The following PRR11 variants were observed in gnomAD, a reference collection of about 807,000 sequenced individuals.
The protein encoded by PRR11 is proline-rich protein 11.
PRR11 carries 30 observed loss-of-function variants against 45.6 expected under a neutral mutation model. The ratio of observed to expected loss-of-function variants is 0.66; its 90% CI spans 0.49 to 0.89. PRR11 has a LOEUF of 0.89. Ranked by LOEUF, PRR11 falls within the 40% of genes least tolerant of loss-of-function variation. PRR11 has a pLI of 0.00. For synonymous variants in PRR11, 128 were observed against 153.5 expected, an observed-to-expected ratio of 0.83 and a Z score of 1.23; for missense variants, 373 against 424.8, an observed-to-expected ratio of 0.88 and a Z score of 1.07.
At chr17:59,182,389 CTTTTTTT>C (rs147890743) in intron 2 of PRR11, among the ~76,000 whole-genome samples, 2 of 107,360 alleles carry the variant, frequency 1.9e-5, no homozygotes, top group African/African-American at 7.8e-5. Flanking sequence ...TCTGACCCTT[CTTTTTTT>C]TTTTTTTTTT....
At chr17:59,173,383 A>G (rs1277168786) in intron 2 of PRR11, among the ~76,000 whole-genome samples, 1 of 152,300 alleles carries the variant, frequency 6.6e-6, no homozygotes, top group African/African-American at 2.4e-5. Flanking sequence ...GTTCTTTGGC[A>G]CTTTGCAATG....
chr17:59,191,113 C>T lies in PRR11; in HGVS notation c.403-2379C>T, dbSNP rs538892004. On this transcript the variant is annotated intron_variant, in intron 4 of 9. Transcript: ENST00000262293. ...GGAGGGAGAAGGCAAGGAGTTTCCT[C>T]CCCTCCTCTTTACTGCATGATTTCT... 1.2e-4 allele frequency among the ~76,000 whole-genome samples: 18 copies of T among 152,310 alleles called. No homozygotes were observed. In the East Asian group the frequency reaches 3.5e-3, roughly 29 times the overall value.
chr17:59,181,660 T>C (rs1450996616), intron 2 of PRR11: 2 of 1,530,938 alleles, frequency 1.3e-6, no homozygotes, highest in East Asian at 4.6e-5. Flanking sequence ...TGGCGCCTCC[T>C]CCGATGACTC....
At chr17:59,193,422 T>G in intron 4 of PRR11, 70 bp from the exon 5 acceptor site, 1 of 1,575,034 alleles carries the variant, frequency 6.3e-7, no homozygotes, top group South Asian at 1.1e-5. Context: ...AGCTATTATT[T>G]TGATGACTCT....
intron 4 of PRR11, among the ~76,000 whole-genome samples, chr17:59,187,153 G>A (rs181350287): frequency 1.3e-5 from 2 of 152,258 alleles, no homozygotes; most frequent in Admixed American, 6.5e-5. Context: ...AGACTGCTGT[G>A]AGCCGAGATC....
intron 2 of PRR11, chr17:59,178,403 T>A: frequency 2.1e-6 from 1 of 467,506 alleles, no homozygotes; most frequent in South Asian, 1.6e-5. Context: ...GAACTGTGGG[T>A]TTAGAAGCTG....
intron 7 of PRR11, among the ~76,000 whole-genome samples, chr17:59,195,774 A>G (rs1222040186): frequency 6.6e-6 from 1 of 152,102 alleles, no homozygotes; most frequent in Non-Finnish European, 1.5e-5. Context: ...TTGGGAGAAA[A>G]AGATATACTA....
At chr17:59,181,177 A>C (rs1371792425) in intron 2 of PRR11, among the ~76,000 whole-genome samples, 1 of 151,212 alleles carries the variant, frequency 6.6e-6, no homozygotes, top group Admixed American at 6.6e-5. Flanking sequence ...TTTTAGAAAG[A>C]CTGTGTTTCA....
At chr17:59,198,191 C>T (rs150262733) in intron 9 of PRR11, among the ~76,000 whole-genome samples, 4 of 152,122 alleles carry the variant, frequency 2.6e-5, no homozygotes, top group Admixed American at 2.0e-4. Context: ...TAAATGGTAC[C>T]GTATTTTGCA....
At chr17:59,187,602 C>T (rs1162584356) in intron 4 of PRR11, among the ~76,000 whole-genome samples, 4 of 151,782 alleles carry the variant, frequency 2.6e-5, no homozygotes, top group African/African-American at 9.7e-5. Flanking sequence ...CAGTGGCTCA[C>T]GCTTGTAATC....
intron 2 of PRR11, among the ~76,000 whole-genome samples, chr17:59,180,370 A>G (rs2147845560): frequency 6.6e-6 from 1 of 150,758 alleles, no homozygotes; most frequent in South Asian, 2.1e-4. Context: ...GCCTCAAGTG[A>G]TCCGCCTGCC....
intron 1 of PRR11, among the ~76,000 whole-genome samples, chr17:59,156,297 A>C (rs138583912): frequency 1.3e-5 from 2 of 152,298 alleles, no homozygotes; most frequent in African/African-American, 2.4e-5. Flanking sequence ...TTAGAGTGTC[A>C]ATTTTAAATG....
At position 59,201,674 on chromosome 17, in the gene PRR11, C is replaced by T. The variant is rs775646318; in HGVS notation, c.*43C>T. ...TCCATGAGATGATCCATAACAAATA[C>T]AGATAAAAACACCCAGCTGGGTGCA... On this transcript the variant is annotated 3_prime_UTR_variant, in exon 10 of 10. Transcript: ENST00000262293. 1.3e-6 allele frequency: 2 copies of T among 1,590,632 alleles called. No homozygotes were observed. The highest frequency in any genetic ancestry group is 3.3e-5 in the Admixed American group (2 of 59,924).
intron 2 of PRR11, chr17:59,178,432 G>A (rs978397958): frequency 2.0e-5 from 10 of 492,648 alleles, no homozygotes; most frequent in South Asian, 4.6e-5. Flanking sequence ...CCCTGGCAGT[G>A]CACTGAAGCA....
chr17:59,179,690 G>T, intron 2 of PRR11: 1 of 1,447,792 alleles, frequency 6.9e-7, no homozygotes, highest in Non-Finnish European at 9.5e-7. Context: ...AGGGAGCACG[G>T]GTGACACTCG....
At chr17:59,195,519 GA>G in intron 7 of PRR11, 76 bp downstream of exon 7, 2 of 948,258 alleles carry the variant, frequency 2.1e-6, no homozygotes. Flanking sequence ...TAAAGAAAAG[GA>G]AAAAAAGATT....
intron 1 of PRR11, among the ~76,000 whole-genome samples, chr17:59,161,299 C>T (rs1473561329): frequency 2.0e-5 from 3 of 151,382 alleles, no homozygotes; most frequent in Admixed American, 6.6e-5. Flanking sequence ...CCCAGCTACT[C>T]GGGAGACTGA....
intron 2 of PRR11, among the ~76,000 whole-genome samples, chr17:59,174,738 C>T (rs1218281265): frequency 1.3e-5 from 2 of 152,182 alleles, no homozygotes; most frequent in African/African-American, 4.8e-5. Flanking sequence ...ATGTACCTTC[C>T]CTCAGGCTGA....
chr17:59,193,483 T>C lies in PRR11; in HGVS notation c.403-9T>C. The C allele has an allele frequency of 1.9e-6, 3 of 1,613,992 alleles. No individual in the cohort carries two copies. The highest frequency in any genetic ancestry group is 1.3e-5 in the African/African-American group (1 of 75,066). ...TTATTTATTTGCCAAATGTGATGTCTTCTTCCAGACCATCTCAGAAAGTTC... is the reference window on the plus strand; with the variant it reads ...TTATTTATTTGCCAAATGTGATGTCCTCTTCCAGACCATCTCAGAAAGTTC... On this transcript the variant is annotated splice_polypyrimidine_tract_variant and intron_variant, in intron 4 of 9. Coordinates refer to ENST00000262293, the MANE Select transcript of PRR11 (RefSeq NM_018304.4).
Sources: allele counts gnomAD v4.1 joint callset (sites outside exome capture counted in the v4.1 genomes callset), GRCh38; gene constraint gnomAD v4.1.1; transcripts MANE v1.5; gene names NCBI Gene and HGNC (gene_info 2026-07-23, HGNC 2026-07-21).